FAF2: variants seen among roughly 807,000 people sequenced by gnomAD.
The protein encoded by FAF2 is FAS-associated factor 2.
FAF2 carries 9 observed loss-of-function variants against 62.3 expected under a neutral mutation model. The observed-to-expected ratio is 0.14, with a 90% CI of 0.09 to 0.25. The LOEUF (loss-of-function observed/expected upper bound fraction) is 0.25, where lower values mean the gene tolerates loss of function less well. FAF2 is among the 10% of genes least tolerant of loss of function. FAF2 has a pLI of 1.00. For missense variants in FAF2, 368 were observed against 556.2 expected (o/e 0.66, Z 3.40); for synonymous variants, 202 against 198.0 (o/e 1.02, Z -0.17).
intron 10 of FAF2, among the ~76,000 whole-genome samples, chr5:176,502,830 A>T (rs1012325958): frequency 6.6e-6 from 1 of 152,008 alleles, no homozygotes; most frequent in Non-Finnish European, 1.5e-5. Context: ...CAGGCGGATC[A>T]CAAGGTCAGG....
rs1561830666 is a variant in FAF2 at position 176,506,952 on chromosome 5, A to G, written c.*2A>G. 6.6e-7 allele frequency: 1 copy of G among 1,512,172 alleles called. No individual in the cohort carries two copies. 93.7% of individuals were successfully genotyped at this position (1,512,172 alleles called of 1,614,324 possible). A position where few individuals can be genotyped will look rare whatever the true frequency, so the allele number is the denominator to read the frequency against. The stretch of plus-strand genomic sequence containing the variant: ...GTTCAGGACCTAACTGACGAATGAC[A>G]TTTTTTTCTTCCTGTCCCCTCCTAC... On this transcript the variant is annotated 3_prime_UTR_variant, in exon 11 of 11. Transcript: ENST00000261942.
intron 8 of FAF2, 102 bp downstream of exon 8, chr5:176,496,765 C>A (rs1004664729): frequency 4.6e-6 from 4 of 870,860 alleles, no homozygotes; most frequent in Admixed American, 3.0e-5. Context: ...TGCATCAGGC[C>A]GCTATTAGCT....
chr5:176,469,755 G>A (rs1581060902), intron 1 of FAF2, among the ~76,000 whole-genome samples: 1 of 152,306 alleles, frequency 6.6e-6, no homozygotes, highest in Admixed American at 6.5e-5. Context: ...AAAATTGGAA[G>A]CAGCCGTAAC....
At chr5:176,454,721 G>C (rs1006454848) in intron 1 of FAF2, among the ~76,000 whole-genome samples, 2 of 149,534 alleles carry the variant, frequency 1.3e-5, no homozygotes, top group Non-Finnish European at 3.0e-5. Flanking sequence ...GTTTATCTTT[G>C]TGTATTTTTG....
At chr5:176,467,123 T>A (rs1365437898) in intron 1 of FAF2, among the ~76,000 whole-genome samples, 1 of 129,276 alleles carries the variant, frequency 7.7e-6, no homozygotes, top group Admixed American at 9.6e-5. Context: ...GGCTGTTTTT[T>A]TTTTCCTTTT....
chr5:176,498,553 A>T (rs2113745475), intron 8 of FAF2, among the ~76,000 whole-genome samples: 1 of 152,286 alleles, frequency 6.6e-6, no homozygotes, highest in Middle Eastern at 3.4e-3. Context: ...TGGTTTTATG[A>T]GATCAGTACA....
chr5:176,485,063 T>C (rs1758853148), intron 2 of FAF2, among the ~76,000 whole-genome samples: 1 of 152,176 alleles, frequency 6.6e-6, no homozygotes, highest in Admixed American at 6.5e-5. Flanking sequence ...CAGTGCATGA[T>C]AAGTGCATAG....
Position 176,507,052 on chromosome 5 carries a change from ATAT to A in FAF2, c.*118_*120del, listed in dbSNP as rs200399884. The A allele has an allele frequency of 3.7e-4, 241 of 651,874 alleles. No individual in the cohort carries two copies. Among genetic ancestry groups the A allele is most frequent in the South Asian group, 6.9e-4 (10 of 14,496 alleles). The allele number at this position is 651,874 out of a possible 1,614,324, so 40.4% of individuals were successfully genotyped here. ...AAAAAAAAACAAGAGAGAGAAATTCATATTATTATTATTATTATAATACAATAT... is the reference window on the plus strand; with the variant it reads ...AAAAAAAAACAAGAGAGAGAAATTCATATTATTATTATTATAATACAATAT... On this transcript the variant is annotated 3_prime_UTR_variant, in exon 11 of 11. Coordinates refer to ENST00000261942, the MANE Select transcript of FAF2 (RefSeq NM_014613.3).
chr5:176,496,398 A>G lies in FAF2; in HGVS notation c.662-88A>G, dbSNP rs571098721. 1.6e-4 allele frequency: 173 copies of G among 1,050,966 alleles called. 2 individuals carry two copies. In the South Asian group the frequency reaches 3.7e-3, roughly 22 times the overall value. The allele number at this position is 1,050,966 out of a possible 1,614,324, so 65.1% of individuals were successfully genotyped here. A position where few individuals can be genotyped will look rare whatever the true frequency, so the allele number is the denominator to read the frequency against. ...CGTCTTCCCCAACCAGGATTAAAAC[A>G]GTTCTCTCTCACTCATTGTGGAAAG... On this transcript the variant is annotated intron_variant, in intron 7 of 10. Coordinates refer to ENST00000261942, the MANE Select transcript of FAF2 (RefSeq NM_014613.3).
At chr5:176,453,513 CTT>C (rs1255425930) in intron 1 of FAF2, 1 of 151,948 alleles carries the variant, frequency 6.6e-6, no homozygotes, top group Non-Finnish European at 1.5e-5. Context: ...TTTTGAAAAT[CTT>C]TCTTTTGGCT....
intron 1 of FAF2, among the ~76,000 whole-genome samples, chr5:176,460,120 A>G (rs1758353522): frequency 6.6e-6 from 1 of 152,136 alleles, no homozygotes; most frequent in African/African-American, 2.4e-5. Context: ...CATTTTCTTT[A>G]TTCAGATCAC....
At chr5:176,492,361 A>C in intron 5 of FAF2, 29 bp downstream of exon 5, 1 of 1,593,402 alleles carries the variant, frequency 6.3e-7, no homozygotes, top group Non-Finnish European at 8.5e-7. Flanking sequence ...ATAGATGCCA[A>C]CTTACCGAAA....
intron 10 of FAF2, among the ~76,000 whole-genome samples, chr5:176,502,316 C>T (rs1275145045): frequency 6.6e-6 from 1 of 152,202 alleles, no homozygotes; most frequent in Non-Finnish European, 1.5e-5. Flanking sequence ...CGTTGTGGCT[C>T]ACGCCTATAA....
chr5:176,458,626 A>G (rs922660991), intron 1 of FAF2, among the ~76,000 whole-genome samples: 4 of 151,558 alleles, frequency 2.6e-5, no homozygotes, highest in Non-Finnish European at 4.4e-5. Flanking sequence ...GGCTGGTGTC[A>G]AACTCCTGAC....
intron 1 of FAF2, among the ~76,000 whole-genome samples, chr5:176,463,727 T>G (rs1048396435): frequency 2.7e-5 from 4 of 150,454 alleles, no homozygotes; most frequent in Non-Finnish European, 5.9e-5. Context: ...ATTGCATGTT[T>G]TTTTTTTTTT....
intron 10 of FAF2, among the ~76,000 whole-genome samples, chr5:176,502,245 A>G (rs900783526): frequency 1.6e-4 from 25 of 152,220 alleles, no homozygotes; most frequent in African/African-American, 5.5e-4. Flanking sequence ...CACGAATTAC[A>G]TGGAATTTCT....
chr5:176,472,705 A>T (rs2113728007), intron 1 of FAF2, among the ~76,000 whole-genome samples: 1 of 135,372 alleles, frequency 7.4e-6, no homozygotes, highest in South Asian at 2.5e-4. Context: ...AACATAGTGA[A>T]ATCTTCATCT....
At chr5:176,462,367 T>C (rs1293995211) in intron 1 of FAF2, among the ~76,000 whole-genome samples, 2 of 152,100 alleles carry the variant, frequency 1.3e-5, no homozygotes, top group Non-Finnish European at 1.5e-5. Context: ...GGCTCATGCC[T>C]GTAATCTCAG....
chr5:176,471,779 C>T (rs1758574764), intron 1 of FAF2, among the ~76,000 whole-genome samples: 1 of 151,590 alleles, frequency 6.6e-6, no homozygotes, highest in South Asian at 2.1e-4. Flanking sequence ...CACCTCCGCC[C>T]CCCGGGTTCA....
Sources: allele counts gnomAD v4.1 joint callset (sites outside exome capture counted in the v4.1 genomes callset), GRCh38; gene constraint gnomAD v4.1.1; transcripts MANE v1.5; gene names NCBI Gene and HGNC (gene_info 2026-07-23, HGNC 2026-07-21).